Variants in TMEM235 observed in about 807,000 individuals in gnomAD.
The protein encoded by TMEM235 is transmembrane protein 235.
Under a neutral mutation model 22.9 loss-of-function variants are expected in TMEM235, and 23 were observed. The ratio of observed to expected loss-of-function variants is 1.00; its 90% confidence interval spans 0.72 to 1.42. TMEM235 has a LOEUF of 1.42. TMEM235 is among the 40% of genes most tolerant of loss of function. The pLI is 0.00. For missense variants in TMEM235, 308 were observed against 299.5 expected, an observed-to-expected ratio of 1.03 and a Z score of -0.21; for synonymous variants, 137 against 140.5, an observed-to-expected ratio of 0.98 and a Z score of 0.17.
chr17:78,235,217 C>T (rs951255872), intron 4 of TMEM235, among the ~76,000 whole-genome samples: 20 of 151,822 alleles, frequency 1.3e-4, no homozygotes, highest in African/African-American at 4.8e-4. Context: ...CAATCACAGG[C>T]GGAAGGCCAA....
In TMEM235 at chr17:78,233,998, T is replaced by A. The variant is rs547861562; in HGVS notation, c.271+23T>A. The A allele has an allele frequency of 1.1e-5, 16 of 1,493,802 alleles. No individual in the cohort carries two copies. The African/African-American group carries it at 1.9e-4, about 18-fold the overall frequency. 92.5% of individuals were successfully genotyped at this position (1,493,802 alleles called of 1,614,324 possible). On this transcript the variant is annotated intron_variant, in intron 3 of 5. Transcript: ENST00000421688. Reference sequence around the variant, plus strand: ...TCTGTGAGTCCTGGGTGGGGCCACCTCCCCATCCTTTCCAAATATTCAGGC... The same window carrying A: ...TCTGTGAGTCCTGGGTGGGGCCACCACCCCATCCTTTCCAAATATTCAGGC...
At chr17:78,232,295 C>A in intron 2 of TMEM235, 82 bp downstream of exon 1, 1 of 1,273,878 alleles carries the variant, frequency 7.9e-7, no homozygotes, top group South Asian at 1.8e-5. Context: ...GCTCGTGTTG[C>A]CCCGCCAGAC....
rs930017034 is a variant in TMEM235, at chr17:78,238,840, T to C, written c.410-184T>C. 3.9e-5 allele frequency among the ~76,000 whole-genome samples: 6 copies of C among 151,958 alleles called. No homozygotes were observed. Among genetic ancestry groups the C allele is most frequent in the Non-Finnish European group, 8.8e-5 (6 of 67,974 alleles). On this transcript the variant is annotated intron_variant, in intron 4 of 5. Transcript: ENST00000421688. The surrounding 1 kb of genome is among the most constrained non-coding windows in gnomAD (Gnocchi z 4.3). The stretch of plus-strand genomic sequence containing the variant: ...CCAACCCCAAGCAGGAGGTGGTGTC[T>C]GGGAGAGGCGGCCAGGTTGACAGCC...
At chr17:78,231,380 G>A (rs542591396) in intron 1 of TMEM235, 11 of 1,252,262 alleles carry the variant, frequency 8.8e-6, no homozygotes, top group Non-Finnish European at 1.1e-5. Context: ...CTTGCTGGAG[G>A]GGGCATTTGT....
rs546880606 is a variant in TMEM235, at chr17:78,231,342, G to C, written c.-593+1G>C. The C allele has an allele frequency of 1.6e-5, 19 of 1,172,396 alleles. 2 individuals carry two copies. In the African/African-American group the frequency reaches 2.1e-4, roughly 13 times the overall value. The allele number at this position is 1,172,396 out of a possible 1,614,324, so 72.6% of individuals were successfully genotyped here. ...AAGGTTCTTTCTGCCTGTTTTCTCCGTGAGTGACTGGACAGGCAGAGGCCG... is the reference window on the plus strand; with the variant it reads ...AAGGTTCTTTCTGCCTGTTTTCTCCCTGAGTGACTGGACAGGCAGAGGCCG... On this transcript the variant is annotated splice_donor_variant, in intron 1 of 5. Coordinates refer to ENST00000421688, the Ensembl canonical transcript of TMEM235. LOFTEE classifies it low-confidence loss of function (5UTR_SPLICE).
exon 2 of TMEM235, chr17:78,231,942 C>T: frequency 9.8e-7 from 1 of 1,019,642 alleles, no homozygotes; most frequent in Non-Finnish European, 1.2e-6. Flanking sequence ...GCCCCCCGTC[C>T]CCCGGCTCCC....
In TMEM235 at chr17:78,232,204, A is replaced by T. The variant is rs752795946; in HGVS notation, c.181A>T (p.Ile61Phe). 4.1e-6 allele frequency: 6 copies of T among 1,479,668 alleles called. No individual in the cohort carries two copies. Among genetic ancestry groups the T allele is most frequent in the South Asian group, 1.3e-5 (1 of 78,354 alleles). 91.7% of individuals were successfully genotyped at this position (1,479,668 alleles called of 1,614,324 possible). ...CTCCTCGCACTCGGGGCTCTGGCGC[A>T]TCTGCGAAGGTAACCGGCCACCGCG... Residue 61 changes from isoleucine (I) to phenylalanine (F), a missense_variant, in exon 2 of 6, where the codon ATC (isoleucine) becomes TTC (phenylalanine). Ile to Phe is a conservative substitution (Grantham distance 21). Transcript: ENST00000421688.
exon 6 of TMEM235, chr17:78,239,810 G>A (rs763597180): frequency 1.9e-6 from 3 of 1,549,782 alleles, no homozygotes; most frequent in Non-Finnish European, 1.7e-6. Context: ...AGCGGCAGAG[G>A]GACCCACCCA....
Position 78,233,357 on chromosome 17 carries a change from TGGA to T in TMEM235, c.191-536_191-534del, listed in dbSNP as rs1197915527. ...CTGAGGGACTCTGAGGGGGCCTCCATGGAGCGTTTGAAAGTTTAAACATGCACC... is the reference window on the plus strand; with the variant it reads ...CTGAGGGACTCTGAGGGGGCCTCCATGCGTTTGAAAGTTTAAACATGCACC... On this transcript the variant is annotated intron_variant, in intron 2 of 5. Transcript: ENST00000421688. Among the ~76,000 whole-genome samples, 16 of 152,306 alleles carry T rather than the reference TGGA, an allele frequency of 1.1e-4. No homozygotes were observed. In the East Asian group the frequency reaches 2.9e-3, roughly 28 times the overall value.
chr17:78,238,479 C>T lies in TMEM235; in HGVS notation c.410-545C>T, dbSNP rs545326742. On this transcript the variant is annotated intron_variant, in intron 4 of 5. Transcript: ENST00000421688. The surrounding 1 kb of genome is among the most constrained non-coding windows in gnomAD (Gnocchi z 4.3). ...GGGCAAAGGTGTGAGGAAGAGGAGG[C>T]GGGGGTGCAGGGCAGGGACTCACTC... 6.6e-6 allele frequency among the ~76,000 whole-genome samples: 1 copy of T among 150,456 alleles called. No homozygotes were observed. Among genetic ancestry groups the T allele is most frequent in the African/African-American group, 2.4e-5 (1 of 40,946 alleles).
At chr17:78,236,805 C>T (rs72901709) in intron 4 of TMEM235, among the ~76,000 whole-genome samples, 13,904 of 152,236 alleles carry the variant, frequency 0.091, 851 homozygotes, top group Middle Eastern at 0.2. Flanking sequence ...TGAGGAGGCC[C>T]GACTGGGTGC....
At chr17:78,239,824 C>A (rs753427244) in exon 6 of TMEM235, 11 of 1,551,048 alleles carry the variant, frequency 7.1e-6, no homozygotes, top group African/African-American at 2.7e-5. Context: ...CCACCCAGAT[C>A]GCCTGGCGCC....
Position 78,235,623 on chromosome 17 carries a change from C to T in TMEM235, c.409+893C>T, listed in dbSNP as rs796715108. Among the ~76,000 whole-genome samples, 63 of 108,662 alleles carry T rather than the reference C, an allele frequency of 5.8e-4. 1 individual carries two copies. The East Asian group carries it at 0.018, about 32-fold the overall frequency. 71.3% of individuals were successfully genotyped at this position (108,662 alleles called of 152,430 possible). A position where few individuals can be genotyped will look rare whatever the true frequency, so the allele number is the denominator to read the frequency against. On this transcript the variant is annotated intron_variant, in intron 4 of 5. Transcript: ENST00000421688. ...AGTTTTTTTTTTTTTTTTTTTGAGACGGAGTCTCGCTCTGTCTCCTAGGCT... is the reference window on the plus strand; with the variant it reads ...AGTTTTTTTTTTTTTTTTTTTGAGATGGAGTCTCGCTCTGTCTCCTAGGCT...
intron 4 of TMEM235, among the ~76,000 whole-genome samples, chr17:78,235,577 G>A (rs568595306): frequency 1.3e-5 from 2 of 148,464 alleles, no homozygotes; most frequent in East Asian, 4.0e-4. Flanking sequence ...GTGAGGCACC[G>A]TTCCCAGCTG....
In TMEM235 at chr17:78,237,187, G is replaced by A. The variant is rs151272678; in HGVS notation, c.410-1837G>A. 5.9e-3 allele frequency among the ~76,000 whole-genome samples: 904 copies of A among 152,246 alleles called. 6 individuals carry two copies. The highest frequency in any genetic ancestry group is 0.02 in the African/African-American group (831 of 41,544). On this transcript the variant is annotated intron_variant, in intron 4 of 5. Transcript: ENST00000421688. The surrounding 1 kb of genome is among the most constrained non-coding windows in gnomAD (Gnocchi z 4.7). Reference sequence around the variant, plus strand: ...CTAGTATGAGGGTCAGCTGTGGGCCGAAGCACAGAGGGCTCTCAGGATGTC... The same window carrying A: ...CTAGTATGAGGGTCAGCTGTGGGCCAAAGCACAGAGGGCTCTCAGGATGTC...
rs1307818897 is a variant in TMEM235 at position 78,238,993 on chromosome 17, C to T, written c.410-31C>T. The T allele has an allele frequency of 3.9e-6, 6 of 1,523,502 alleles. No individual in the cohort carries two copies. Among genetic ancestry groups the T allele is most frequent in the Non-Finnish European group, 4.4e-6 (5 of 1,135,550 alleles). 94.4% of individuals were successfully genotyped at this position (1,523,502 alleles called of 1,614,324 possible). ...GGCCTGGGCCCGCTAGAGCAGACACCGAGCAGCTGCCCTCCCCATCTCTCC... is the reference window on the plus strand; with the variant it reads ...GGCCTGGGCCCGCTAGAGCAGACACTGAGCAGCTGCCCTCCCCATCTCTCC... On this transcript the variant is annotated intron_variant, in intron 4 of 5. Coordinates refer to ENST00000421688, the Ensembl canonical transcript of TMEM235. This position sits in a 1 kb window ranked among gnomAD's most constrained non-coding sequence, Gnocchi z 4.3.
intron 5 of TMEM235, 143 bp from the exon 5 acceptor site, chr17:78,239,637 A>G (rs1464080920): frequency 3.5e-6 from 5 of 1,418,242 alleles, no homozygotes; most frequent in Non-Finnish European, 3.7e-6. Context: ...CTCCCCCAGC[A>G]GGCTAGTGAG....
rs1479406866 is a variant in TMEM235, at chr17:78,237,250, AC to A, written c.410-1770del. On this transcript the variant is annotated intron_variant, in intron 4 of 5. Coordinates refer to ENST00000421688, the Ensembl canonical transcript of TMEM235. The surrounding 1 kb of genome is among the most constrained non-coding windows in gnomAD (Gnocchi z 4.7). Reference sequence around the variant, plus strand: ...CCTGCCCAGGGTCAGCTCGGCCCTCACCCCTCACTAGCACTGCAAGGAGGGG... The same window carrying A: ...CCTGCCCAGGGTCAGCTCGGCCCTCACCCTCACTAGCACTGCAAGGAGGGG... 2.0e-5 allele frequency among the ~76,000 whole-genome samples: 3 copies of A among 151,840 alleles called. No homozygotes were observed. The highest frequency in any genetic ancestry group is 4.4e-5 in the Non-Finnish European group (3 of 67,922).
chr17:78,234,589 G>T lies in TMEM235; in HGVS notation c.272-4G>T, dbSNP rs1204790898. On this transcript the variant is annotated splice_region_variant and splice_polypyrimidine_tract_variant and intron_variant, in intron 3 of 5. Coordinates refer to ENST00000421688, the Ensembl canonical transcript of TMEM235. Reference sequence around the variant, plus strand: ...AATTCTCACCTGAGCCCCCTTTCCTGCAGTGCTGCACCGTGCAGTCATTGT... The same window carrying T: ...AATTCTCACCTGAGCCCCCTTTCCTTCAGTGCTGCACCGTGCAGTCATTGT... 2 of 1,536,106 alleles carry T rather than the reference G, an allele frequency of 1.3e-6. No individual in the cohort carries two copies. The highest frequency in any genetic ancestry group is 1.7e-6 in the Non-Finnish European group (2 of 1,146,856).
Sources: gnomAD v4.1 joint callset for allele counts (sites outside exome capture counted in the v4.1 genomes callset) on GRCh38, gnomAD v4.1.1 for gene constraint, Gnocchi (gnomAD v3.1) non-coding constraint, MANE v1.5 for transcripts, NCBI Gene and HGNC (gene_info 2026-07-23, HGNC 2026-07-21) for gene names.